The following RYR2 variants were observed in gnomAD, a reference collection of about 807,000 sequenced individuals.
RYR2 encodes ryanodine receptor 2.
Under a neutral mutation model 601.1 loss-of-function variants are expected in RYR2, and 227 were observed. The observed-to-expected ratio is 0.38, with a 90% CI of 0.34 to 0.42. The LOEUF (loss-of-function observed/expected upper bound fraction) is 0.42. RYR2 is among the 10% of genes least tolerant of loss of function. The pLI, the probability that RYR2 is intolerant of heterozygous loss-of-function variation, is 1.00. For synonymous variants in RYR2, 2,223 were observed against 2,175.1 expected, an observed-to-expected ratio of 1.02 and a Z score of -0.61; for missense variants, 4,646 against 6,156.5, an observed-to-expected ratio of 0.75 and a Z score of 8.21.
intron 6 of RYR2, among the ~76,000 whole-genome samples, chr1:237,371,047 C>T (rs772421985): frequency 6.6e-6 from 1 of 151,518 alleles, no homozygotes; most frequent in Non-Finnish European, 1.5e-5. Flanking sequence ...AAATTCTGAT[C>T]ACACTAATAG....
chr1:237,588,172 CT>C (rs2148419484), intron 29 of RYR2, among the ~76,000 whole-genome samples: 1 of 152,266 alleles, frequency 6.6e-6, no homozygotes, highest in African/African-American at 2.4e-5. Context: ...ATCATTTACT[CT>C]TCCTTGAACA....
chr1:237,215,550 T>C lies in RYR2; in HGVS notation c.49-54947T>C, dbSNP rs1354445048. ...CTTCTAAGCAGGTATTTTGGTGCTATAGTAAGCATTTTAAACTTATCAAAA... is the reference window on the plus strand; with the variant it reads ...CTTCTAAGCAGGTATTTTGGTGCTACAGTAAGCATTTTAAACTTATCAAAA... On this transcript the variant is annotated intron_variant, in intron 1 of 104. Transcript: ENST00000366574. Among the ~76,000 whole-genome samples, 4 of 152,212 alleles carry C rather than the reference T, an allele frequency of 2.6e-5. No individual in the cohort carries two copies. The South Asian group carries it at 8.3e-4, about 31-fold the overall frequency.
Position 237,832,583 on chromosome 1 carries a change from G to A in RYR2, c.14840G>A (p.Arg4947Lys). The A allele has an allele frequency of 6.2e-7, 1 of 1,612,424 alleles. No individual in the cohort carries two copies. Among genetic ancestry groups the A allele is most frequent in the Admixed American group, 1.7e-5 (1 of 59,926 alleles). ...ESYVWKMYQE[R>K]CWEFFPAGDC... Reference sequence around the variant, plus strand: ...TATGTCTGGAAGATGTATCAAGAAAGGTGTTGGGAATTTTTCCCAGCAGGG... The same window carrying A: ...TATGTCTGGAAGATGTATCAAGAAAAGTGTTGGGAATTTTTCCCAGCAGGG... The change falls in exon 105 of 105, where the codon AGG (arginine) becomes AAG (lysine). Residue 4947 changes from arginine to lysine, a missense_variant. Arg to Lys is a conservative substitution (Grantham distance 26, BLOSUM62 2). This residue lies in a region of RYR2 where 55 missense variants were observed against 204.7 expected (regional missense o/e 0.27). Coordinates refer to ENST00000366574, the MANE Select transcript of RYR2 (RefSeq NM_001035.3).
chr1:237,043,060 G>C (rs1454819503), intron 1 of RYR2, among the ~76,000 whole-genome samples: 1 of 152,238 alleles, frequency 6.6e-6, no homozygotes, highest in African/African-American at 2.4e-5. Context: ...CCCGCGCGTT[G>C]TCACGGAGCG....
chr1:237,329,417 C>T (rs985284065), intron 2 of RYR2, among the ~76,000 whole-genome samples: 3 of 151,864 alleles, frequency 2.0e-5, no homozygotes, highest in South Asian at 2.1e-4. Context: ...CGAGGTGGGG[C>T]GGATCACGAG....
chr1:237,321,299 T>G (rs527949436), intron 2 of RYR2, among the ~76,000 whole-genome samples: 1 of 152,284 alleles, frequency 6.6e-6, no homozygotes, highest in Non-Finnish European at 1.5e-5. Context: ...TGCATAGAAA[T>G]TTCATGCTAG....
intron 44 of RYR2, among the ~76,000 whole-genome samples, chr1:237,636,514 T>C (rs1384338906): frequency 3.3e-5 from 5 of 152,220 alleles, no homozygotes; most frequent in African/African-American, 1.2e-4. Context: ...ACTAATGCAG[T>C]TGATAATACC....
At chr1:237,136,220 A>G (rs567519909) in intron 1 of RYR2, among the ~76,000 whole-genome samples, 2 of 152,240 alleles carry the variant, frequency 1.3e-5, no homozygotes, top group African/African-American at 4.8e-5. Context: ...CCTGCCCAGG[A>G]TAGCATTGCC....
chr1:237,806,386 G>C, intron 99 of RYR2, 103 bp downstream of exon 99: 1 of 1,202,016 alleles, frequency 8.3e-7, no homozygotes, highest in East Asian at 2.4e-5. Context: ...CAGTTTTAAA[G>C]ATTTTTTTGA....
intron 1 of RYR2, among the ~76,000 whole-genome samples, chr1:237,216,565 C>G (rs2149117408): frequency 6.6e-6 from 1 of 151,990 alleles, no homozygotes; most frequent in South Asian, 2.1e-4. Context: ...TGGTGAAACC[C>G]TGTCTCTACT....
chr1:237,233,626 G>C (rs1159283625), intron 1 of RYR2, among the ~76,000 whole-genome samples: 1 of 152,084 alleles, frequency 6.6e-6, no homozygotes, highest in Non-Finnish European at 1.5e-5. Flanking sequence ...CAAGAGTAAT[G>C]GCTATTAGTT....
chr1:237,337,812 C>CT (rs1186510980), intron 3 of RYR2, among the ~76,000 whole-genome samples: 4 of 152,102 alleles, frequency 2.6e-5, no homozygotes, highest in African/African-American at 7.2e-5. Context: ...CCTTCAATTA[C>CT]CTGAAGCCCC....
chr1:237,213,112 G>A (rs1400333669), intron 1 of RYR2, among the ~76,000 whole-genome samples: 1 of 150,600 alleles, frequency 6.6e-6, no homozygotes, highest in Non-Finnish European at 1.5e-5. Flanking sequence ...TGCCATTCCA[G>A]TAGTTTTTTT....
rs567786756 is a variant in RYR2, at chr1:237,542,170, C to T, written c.2907-6261C>T. 1.2e-3 allele frequency among the ~76,000 whole-genome samples: 178 copies of T among 151,912 alleles called. 2 individuals are homozygous for T. Among genetic ancestry groups the T allele is most frequent in the African/African-American group, 1.5e-3 (63 of 41,386 alleles). On this transcript the variant is annotated intron_variant, in intron 25 of 104. Coordinates refer to ENST00000366574, the MANE Select transcript of RYR2 (RefSeq NM_001035.3). The stretch of plus-strand genomic sequence containing the variant: ...GTGCGATGGCGCCATCTCGGCTCAC[C>T]GCAAGCTCCGCCTCCCGGGTTCAAG...
intron 10 of RYR2, among the ~76,000 whole-genome samples, chr1:237,397,745 A>G (rs1702992352): frequency 1.4e-5 from 2 of 147,302 alleles, no homozygotes; most frequent in South Asian, 4.3e-4. Context: ...TTTTTGAGAC[A>G]GAGTCTTGCT....
chr1:237,703,366 A>G (rs1286546030), intron 66 of RYR2, among the ~76,000 whole-genome samples: 2 of 151,412 alleles, frequency 1.3e-5, no homozygotes, highest in Non-Finnish European at 3.0e-5. Flanking sequence ...TTTCCTGATT[A>G]CCATCTACTT....
At chr1:237,687,367 T>TTTTTTTTTTTTTTTTTTTTTTTTTTTC in intron 62 of RYR2, 88 bp from the exon 63 acceptor site, 4 of 250,810 alleles carry the variant, frequency 1.6e-5, no homozygotes, top group Middle Eastern at 4.9e-4. Context: ...TTTCTTCTTC[T>TTTTTTTTTTTTTTTTTTTTTTTTTTTC]TTTTTTTTTT....
intron 16 of RYR2, among the ~76,000 whole-genome samples, chr1:237,460,594 G>T (rs894718598): frequency 1.3e-5 from 2 of 152,164 alleles, no homozygotes; most frequent in African/African-American, 4.8e-5. Flanking sequence ...ATATTTGCTT[G>T]AATTATTTAA....
At chr1:237,507,730 C>CG (rs1665417974) in intron 23 of RYR2, among the ~76,000 whole-genome samples, 1 of 152,180 alleles carries the variant, frequency 6.6e-6, no homozygotes, top group African/African-American at 2.4e-5. Flanking sequence ...GATGACCTAG[C>CG]GGAGAGTTCT....
Sources: allele counts gnomAD v4.1 joint callset (sites outside exome capture counted in the v4.1 genomes callset), GRCh38; gene constraint gnomAD v4.1.1; regional missense constraint gnomAD v4.1.1; transcripts MANE v1.5; gene names NCBI Gene and HGNC (gene_info 2026-07-23, HGNC 2026-07-21).